The following PPM1H variants were observed in gnomAD, a reference collection of about 807,000 sequenced individuals.
PPM1H encodes protein phosphatase, Mg2+/Mn2+ dependent 1H.
In PPM1H, 27 loss-of-function variants were observed where a neutral mutation model predicts 54.9. That is an observed-to-expected ratio of 0.49 (90% CI 0.36 to 0.68). The LOEUF (loss-of-function observed/expected upper bound fraction) is 0.68, where lower values mean the gene tolerates loss of function less well. PPM1H is among the 30% of genes least tolerant of loss of function. The pLI is 0.00. For synonymous variants in PPM1H, 305 were observed against 270.8 expected (o/e 1.13, Z -1.24); for missense variants, 596 against 667.8 (o/e 0.89, Z 1.19).
chr12:62,658,787 G>T (rs975634910), intron 9 of PPM1H: 14 of 450,020 alleles, frequency 3.1e-5, no homozygotes, highest in Non-Finnish European at 5.8e-5. Context: ...AGAAAAGAAA[G>T]AAAGAAAGAG....
chr12:62,889,310 A>C (rs548813838), intron 1 of PPM1H, among the ~76,000 whole-genome samples: 1 of 152,146 alleles, frequency 6.6e-6, no homozygotes, highest in Non-Finnish European at 1.5e-5. Flanking sequence ...CAGAATAATC[A>C]ATACAATACT....
chr12:62,672,188 C>A (rs1288509506), intron 8 of PPM1H, among the ~76,000 whole-genome samples: 1 of 152,208 alleles, frequency 6.6e-6, no homozygotes, highest in Admixed American at 6.5e-5. Context: ...CTGGAAGACT[C>A]TCAAGGCTGA....
At chr12:62,831,144 T>C (rs1394460758) in intron 2 of PPM1H, among the ~76,000 whole-genome samples, 2 of 152,160 alleles carry the variant, frequency 1.3e-5, no homozygotes, top group African/African-American at 4.8e-5. Flanking sequence ...TGAGCCACCA[T>C]GCCCAGCCGC....
chr12:62,707,467 G>A (rs956616929), intron 6 of PPM1H, among the ~76,000 whole-genome samples: 51 of 152,124 alleles, frequency 3.4e-4, no homozygotes, highest in Admixed American at 2.9e-3. Flanking sequence ...GCTGCCCAGC[G>A]CTCTTTAACC....
At chr12:62,763,796 T>G (rs2076524673) in intron 4 of PPM1H, among the ~76,000 whole-genome samples, 2 of 152,216 alleles carry the variant, frequency 1.3e-5, no homozygotes, top group South Asian at 4.1e-4. Context: ...GCTAGTGGTT[T>G]GGCCAGACCT....
At chr12:62,750,967 G>A (rs1334693587) in intron 4 of PPM1H, among the ~76,000 whole-genome samples, 2 of 152,144 alleles carry the variant, frequency 1.3e-5, no homozygotes, top group Admixed American at 6.5e-5. Context: ...AATACCGTAC[G>A]GTTCCCCAGC....
At chr12:62,776,769 G>A (rs1256044198) in intron 4 of PPM1H, among the ~76,000 whole-genome samples, 1 of 152,120 alleles carries the variant, frequency 6.6e-6, no homozygotes, top group African/African-American at 2.4e-5. Context: ...CTCCCTTCCT[G>A]TACTAACAGC....
At chr12:62,891,662 T>C (rs1296030294) in intron 1 of PPM1H, among the ~76,000 whole-genome samples, 1 of 152,202 alleles carries the variant, frequency 6.6e-6, no homozygotes, top group Non-Finnish European at 1.5e-5. Context: ...TTACCTAGTA[T>C]CACGACAGAG....
Position 62,730,184 on chromosome 12 carries a change from G to A in PPM1H, c.954+7318C>T, listed in dbSNP as rs1401392418. 2.6e-5 allele frequency among the ~76,000 whole-genome samples: 4 copies of A among 152,130 alleles called. No individual in the cohort carries two copies. In the East Asian group the frequency reaches 7.7e-4, roughly 29 times the overall value. ...CTCTCTTTTCGGACTCAGCCCACCT[G>A]CATCCAGGTGAAATAAACAGCTTTA... On this transcript the variant is annotated intron_variant, in intron 5 of 9. Coordinates refer to ENST00000228705, the MANE Select transcript of PPM1H (RefSeq NM_020700.2).
intron 2 of PPM1H, among the ~76,000 whole-genome samples, chr12:62,802,402 T>C (rs2652029): frequency 0.19 from 28,461 of 152,030 alleles, 2,775 homozygotes; most frequent in South Asian, 0.25. Flanking sequence ...GATGAAGCGG[T>C]CTCTGCCTCC....
intron 4 of PPM1H, among the ~76,000 whole-genome samples, chr12:62,780,420 C>A (rs1004676509): frequency 2.6e-5 from 4 of 152,198 alleles, no homozygotes; most frequent in South Asian, 2.1e-4. Context: ...CCTGCCTCAG[C>A]CTCCTGAGTA....
At chr12:62,732,097 G>T (rs1184688634) in intron 5 of PPM1H, among the ~76,000 whole-genome samples, 4 of 152,112 alleles carry the variant, frequency 2.6e-5, no homozygotes, top group Admixed American at 6.5e-5. Context: ...AAGAGCAAGG[G>T]TTAGTCACGA....
At chr12:62,712,042 A>G (rs1373332939) in intron 6 of PPM1H, among the ~76,000 whole-genome samples, 2 of 152,232 alleles carry the variant, frequency 1.3e-5, no homozygotes, top group East Asian at 1.9e-4. Flanking sequence ...CAAATCTTGA[A>G]AAGATGCAGA....
At chr12:62,698,475 G>A (rs1053973211) in intron 6 of PPM1H, among the ~76,000 whole-genome samples, 1 of 151,990 alleles carries the variant, frequency 6.6e-6, no homozygotes, top group Non-Finnish European at 1.5e-5. Flanking sequence ...TTCTTCACAG[G>A]ACCTGGAGGA....
Position 62,900,948 on chromosome 12 carries a change from C to T in PPM1H, c.245+33544G>A, listed in dbSNP as rs542291129. On this transcript the variant is annotated intron_variant, in intron 1 of 9. Coordinates refer to ENST00000228705, the MANE Select transcript of PPM1H (RefSeq NM_020700.2). ...TTTCCATGTGCTATGATATAATTTC[C>T]GAGTCACATCTGAGATCTCACCCTC... Among the ~76,000 whole-genome samples, 18 of 152,246 alleles carry T rather than the reference C, an allele frequency of 1.2e-4. No homozygotes were observed. In the South Asian group the frequency reaches 2.9e-3, roughly 25 times the overall value.
intron 4 of PPM1H, among the ~76,000 whole-genome samples, chr12:62,764,354 C>T (rs2076528735): frequency 6.6e-6 from 1 of 152,104 alleles, no homozygotes; most frequent in Non-Finnish European, 1.5e-5. Context: ...ATCATGGCTG[C>T]AAATGCTAGA....
intron 2 of PPM1H, among the ~76,000 whole-genome samples, chr12:62,817,493 AC>A (rs1233329162): frequency 1.3e-4 from 20 of 152,048 alleles, no homozygotes; most frequent in African/African-American, 4.8e-4. Context: ...CAAAAAAAAA[AC>A]TAAGAAGAAA....
rs1162966258 is a variant in PPM1H at position 62,804,666 on chromosome 12, C to CTTTTTTTTTTTTTTT, written c.412-2507_412-2506insAAAAAAAAAAAAAAA. Among the ~76,000 whole-genome samples, 2 of 134,284 alleles carry CTTTTTTTTTTTTTTT rather than the reference C, an allele frequency of 1.5e-5. 1 individual carries two copies. The highest frequency in any genetic ancestry group is 5.9e-5 in the African/African-American group (2 of 34,030). The allele number at this position is 134,284 out of a possible 152,430, so 88.1% of individuals were successfully genotyped here. On this transcript the variant is annotated intron_variant, in intron 2 of 9. Transcript: ENST00000228705. ...TTTAATGCTTCATTTTGGTTAATTTCTTTTTTTTTCTTTTTTTTTTTTTTT... is the reference window on the plus strand; with the variant it reads ...TTTAATGCTTCATTTTGGTTAATTTCTTTTTTTTTTTTTTTTTTTTTTTTCTTTTTTTTTTTTTTT...
At chr12:62,706,837 A>T (rs1349673887) in intron 6 of PPM1H, among the ~76,000 whole-genome samples, 1 of 152,224 alleles carries the variant, frequency 6.6e-6, no homozygotes, top group Admixed American at 6.5e-5. Context: ...GTAAAAAAAA[A>T]ATTTAAGCTC....
Sources: allele counts gnomAD v4.1 joint callset (sites outside exome capture counted in the v4.1 genomes callset), GRCh38; gene constraint gnomAD v4.1.1; transcripts MANE v1.5; gene names NCBI Gene and HGNC (gene_info 2026-07-23, HGNC 2026-07-21).